The following ME1 variants were observed in gnomAD, a reference collection of about 807,000 sequenced individuals.
ME1 encodes the protein NADP-dependent malic enzyme.
ME1 carries 74 observed loss-of-function variants against 66.4 expected under a neutral mutation model. That is an observed-to-expected ratio of 1.11 (90% CI 0.92 to 1.35). The LOEUF is 1.35. Ranked by LOEUF, ME1 falls within the 40% of genes most tolerant of loss-of-function variation. ME1 has a pLI of 0.00. For synonymous variants in ME1, 251 were observed against 235.6 expected (o/e 1.07, Z -0.60); for missense variants, 750 against 694.1 (o/e 1.08, Z -0.90).
intron 6 of ME1, among the ~76,000 whole-genome samples, chr6:83,310,586 T>C (rs1179197852): frequency 6.6e-6 from 1 of 152,070 alleles, no homozygotes; most frequent in Non-Finnish European, 1.5e-5. Context: ...ACCCCACCAC[T>C]GGTAGAAGAT....
chr6:83,323,818 A>G (rs1180853776), intron 5 of ME1, among the ~76,000 whole-genome samples: 3 of 152,192 alleles, frequency 2.0e-5, no homozygotes, highest in African/African-American at 7.2e-5. Flanking sequence ...ACTTGAACTC[A>G]GCTTTGGACC....
chr6:83,319,907 T>A (rs1768119566), intron 5 of ME1, among the ~76,000 whole-genome samples: 1 of 152,204 alleles, frequency 6.6e-6, no homozygotes, highest in South Asian at 2.1e-4. Flanking sequence ...CTCACCGTTG[T>A]ATGTTTGATA....
chr6:83,243,763 AATT>A (rs1178537486), intron 7 of ME1, among the ~76,000 whole-genome samples: 1 of 131,804 alleles, frequency 7.6e-6, no homozygotes, highest in Non-Finnish European at 1.5e-5. Context: ...TATATTATAT[AATT>A]ATATTATATT....
intron 12 of ME1, among the ~76,000 whole-genome samples, chr6:83,219,321 A>G (rs1471885156): frequency 6.6e-6 from 1 of 152,196 alleles, no homozygotes; most frequent in Non-Finnish European, 1.5e-5. Flanking sequence ...TGAATAGCAC[A>G]ATGTTAAAAA....
intron 12 of ME1, among the ~76,000 whole-genome samples, chr6:83,222,400 A>C (rs1034600998): frequency 6.6e-6 from 1 of 152,344 alleles, no homozygotes; most frequent in Non-Finnish European, 1.5e-5. Flanking sequence ...CAGTAACATA[A>C]GAATCTTTGT....
intron 7 of ME1, among the ~76,000 whole-genome samples, chr6:83,248,935 T>C (rs1054812110): frequency 1.3e-5 from 2 of 152,188 alleles, no homozygotes; most frequent in African/African-American, 4.8e-5. Context: ...ACCTGGAAAT[T>C]TCCAGATTAT....
intron 5 of ME1, among the ~76,000 whole-genome samples, chr6:83,339,994 A>C (rs921914957): frequency 6.6e-6 from 1 of 151,720 alleles, no homozygotes; most frequent in Non-Finnish European, 1.5e-5. Context: ...AAAGAAAAGA[A>C]ATGTGAAATA....
chr6:83,355,604 C>T (rs373857501), intron 3 of ME1, among the ~76,000 whole-genome samples: 32 of 152,054 alleles, frequency 2.1e-4, no homozygotes, highest in African/African-American at 7.0e-4. Context: ...GGACCGGTAA[C>T]GTCCCACCAA....
chr6:83,283,223 G>A (rs1457010019), intron 6 of ME1, among the ~76,000 whole-genome samples: 3 of 49,696 alleles, frequency 6.0e-5, no homozygotes, highest in East Asian at 5.1e-4. Flanking sequence ...GCAAGACTCC[G>A]TCTCAAAAAA....
At chr6:83,430,319 C>T (rs3798883) in intron 1 of ME1, among the ~76,000 whole-genome samples, 10,198 of 152,256 alleles carry the variant, frequency 0.067, 649 homozygotes, top group African/African-American at 0.16. Flanking sequence ...CACGCATTCC[C>T]AGACTCTTAA....
At chr6:83,358,411 G>A (rs1768942680) in intron 3 of ME1, among the ~76,000 whole-genome samples, 1 of 152,122 alleles carries the variant, frequency 6.6e-6, no homozygotes, top group Non-Finnish European at 1.5e-5. Context: ...CTCAGAGATT[G>A]TATCTCCTGG....
intron 1 of ME1, among the ~76,000 whole-genome samples, chr6:83,417,370 T>TTTG (rs34696787): frequency 0.32 from 47,609 of 149,760 alleles, 7,818 homozygotes; most frequent in Middle Eastern, 0.47. Context: ...TTTGTTGTTT[T>TTTG]TTGTTGTTGT....
At chr6:83,318,050 GA>G (rs1314777430) in intron 5 of ME1, among the ~76,000 whole-genome samples, 2 of 152,032 alleles carry the variant, frequency 1.3e-5, no homozygotes, top group Non-Finnish European at 2.9e-5. Context: ...AAGAAATGGG[GA>G]AAGGATTCCC....
intron 6 of ME1, among the ~76,000 whole-genome samples, chr6:83,290,132 T>C (rs1029287179): frequency 4.6e-5 from 7 of 152,198 alleles, no homozygotes; most frequent in African/African-American, 1.7e-4. Context: ...TCTCCTTCAG[T>C]TCTGCTCTGA....
intron 12 of ME1, 32 bp downstream of exon 12, chr6:83,223,728 A>G (rs112728259): frequency 0.034 from 53,807 of 1,600,814 alleles, 1,045 homozygotes; most frequent in Admixed American, 0.064. Context: ...GGTATTTTAA[A>G]CCCTTGGTAA....
At chr6:83,286,397 A>G (rs1406011879) in intron 6 of ME1, among the ~76,000 whole-genome samples, 1 of 152,182 alleles carries the variant, frequency 6.6e-6, no homozygotes, top group African/African-American at 2.4e-5. Context: ...CAAAATAAGA[A>G]AAAATAATGC....
At chr6:83,381,797 T>C (rs1034531981) in intron 3 of ME1, among the ~76,000 whole-genome samples, 1 of 152,122 alleles carries the variant, frequency 6.6e-6, no homozygotes, top group East Asian at 1.9e-4. Flanking sequence ...CTAGCTCTCA[T>C]TTCTAATATT....
At chr6:83,411,712 C>G (rs1295332406) in intron 1 of ME1, among the ~76,000 whole-genome samples, 1 of 152,178 alleles carries the variant, frequency 6.6e-6, no homozygotes, top group African/African-American at 2.4e-5. Context: ...CATTTGATTT[C>G]TACCAAGTCT....
chr6:83,218,105 AGAATT>A (rs1790026428), intron 12 of ME1, among the ~76,000 whole-genome samples: 1 of 152,152 alleles, frequency 6.6e-6, no homozygotes, highest in African/African-American at 2.4e-5. Context: ...TGTTTGCCCT[AGAATT>A]GGTCATCAGG....
Sources: allele counts gnomAD v4.1 joint callset (sites outside exome capture counted in the v4.1 genomes callset), GRCh38; gene constraint gnomAD v4.1.1; transcripts MANE v1.5; gene names NCBI Gene and HGNC (gene_info 2026-07-23, HGNC 2026-07-21).